STXBP5L: variants seen among roughly 807,000 people sequenced by gnomAD.
The protein encoded by STXBP5L is syntaxin binding protein 5L, also known as syntaxin-binding protein 5-like.
A neutral mutation model predicts 144.5 loss-of-function variants in STXBP5L; 65 were observed. The observed-to-expected ratio is 0.45, with a 90% confidence interval of 0.37 to 0.55. STXBP5L has a LOEUF of 0.55. STXBP5L is among the 20% of genes least tolerant of loss of function. The pLI is 0.00. For missense variants in STXBP5L, 1,298 were observed against 1,405.5 expected, an observed-to-expected ratio of 0.92 and a Z score of 1.22; for synonymous variants, 505 against 469.6, an observed-to-expected ratio of 1.08 and a Z score of -0.97.
At chr3:121,344,657 T>C (rs750076716) in intron 20 of STXBP5L, among the ~76,000 whole-genome samples, 1 of 151,958 alleles carries the variant, frequency 6.6e-6, no homozygotes, top group African/African-American at 2.4e-5. Context: ...AATTGAAATA[T>C]AGGAGGCAAA....
chr3:121,017,143 TTAATGTAAAC>T (rs1185215311), intron 3 of STXBP5L, among the ~76,000 whole-genome samples: 1 of 152,152 alleles, frequency 6.6e-6, no homozygotes, highest in Admixed American at 6.5e-5. Context: ...ATTAAAAAAA[TTAATGTAAAC>T]CATCACACCA....
Position 121,094,593 on chromosome 3 carries a change from A to G in STXBP5L, c.471-20332A>G, listed in dbSNP as rs550941540. ...TGTTTTATCAGAGACTAGGATTGCAACCCCTGCCTTTTTTTGTTTTCCATT... is the reference window on the plus strand; with the variant it reads ...TGTTTTATCAGAGACTAGGATTGCAGCCCCTGCCTTTTTTTGTTTTCCATT... On this transcript the variant is annotated intron_variant, in intron 5 of 26. Transcript: ENST00000471454. Among the ~76,000 whole-genome samples the G allele has an allele frequency of 9.7e-4, 147 of 151,444 alleles. 1 individual carries two copies. Among genetic ancestry groups the G allele is most frequent in the African/African-American group, 3.2e-3 (131 of 41,288 alleles).
intron 14 of STXBP5L, among the ~76,000 whole-genome samples, chr3:121,245,895 A>G (rs1407588163): frequency 2.6e-5 from 4 of 152,224 alleles, no homozygotes; most frequent in African/African-American, 4.8e-5. Context: ...ACAAAAGATC[A>G]AGAAGGAAAC....
At chr3:121,321,818 C>A (rs2043980200) in intron 20 of STXBP5L, among the ~76,000 whole-genome samples, 1 of 152,160 alleles carries the variant, frequency 6.6e-6, no homozygotes, top group African/African-American at 2.4e-5. Context: ...AACCAGTAAT[C>A]ATTTTATAAC....
intron 20 of STXBP5L, among the ~76,000 whole-genome samples, chr3:121,366,226 CG>C: frequency 6.6e-6 from 1 of 151,858 alleles, no homozygotes; most frequent in East Asian, 1.9e-4. Context: ...GAAAAGAATG[CG>C]TATACTTTTG....
intron 19 of STXBP5L, among the ~76,000 whole-genome samples, chr3:121,281,977 A>G (rs1160666854): frequency 6.6e-6 from 1 of 151,454 alleles, no homozygotes; most frequent in African/African-American, 2.4e-5. Flanking sequence ...ATCTACTTTT[A>G]TAAGACATTT....
At chr3:121,141,371 C>G (rs2045497215) in intron 7 of STXBP5L, among the ~76,000 whole-genome samples, 4 of 151,668 alleles carry the variant, frequency 2.6e-5, no homozygotes, top group Non-Finnish European at 5.9e-5. Flanking sequence ...CCATTGCACT[C>G]CAGCTTGGTC....
At chr3:121,025,985 A>G (rs938878503) in intron 3 of STXBP5L, among the ~76,000 whole-genome samples, 3 of 146,390 alleles carry the variant, frequency 2.0e-5, no homozygotes, top group African/African-American at 7.4e-5. Flanking sequence ...TTAATAATAT[A>G]TTAGTATTAT....
At chr3:121,161,986 G>A (rs2046338332) in intron 9 of STXBP5L, among the ~76,000 whole-genome samples, 1 of 151,906 alleles carries the variant, frequency 6.6e-6, no homozygotes, top group Non-Finnish European at 1.5e-5. Flanking sequence ...GATGCAATTA[G>A]ACAACACAAA....
intron 7 of STXBP5L, among the ~76,000 whole-genome samples, chr3:121,133,888 G>T (rs2045117005): frequency 6.6e-6 from 1 of 152,074 alleles, no homozygotes; most frequent in Non-Finnish European, 1.5e-5. Context: ...AAAACCATCA[G>T]ATCTCATGAG....
chr3:120,980,016 A>G (rs778345968), intron 3 of STXBP5L, among the ~76,000 whole-genome samples: 2 of 152,088 alleles, frequency 1.3e-5, no homozygotes, highest in Non-Finnish European at 2.9e-5. Context: ...CAATTTCCAC[A>G]TATTTGTATC....
At chr3:120,998,544 C>T (rs1943532193) in intron 3 of STXBP5L, among the ~76,000 whole-genome samples, 2 of 152,026 alleles carry the variant, frequency 1.3e-5, no homozygotes, top group Admixed American at 1.3e-4. Flanking sequence ...CTGACCATTC[C>T]CCAACAGGCC....
At chr3:121,158,916 C>A (rs2046215092) in intron 9 of STXBP5L, 1 of 151,744 alleles carries the variant, frequency 6.6e-6, no homozygotes, top group Admixed American at 6.6e-5. Context: ...GGATTGTTTT[C>A]TATTATTCTG....
chr3:121,047,483 A>G (rs899350124), intron 5 of STXBP5L, among the ~76,000 whole-genome samples: 5 of 152,072 alleles, frequency 3.3e-5, no homozygotes, highest in Non-Finnish European at 7.4e-5. Flanking sequence ...TTGTGTGGGA[A>G]TCTAAGTCTC....
intron 2 of STXBP5L, among the ~76,000 whole-genome samples, chr3:120,927,885 T>C (rs562363312): frequency 3.3e-5 from 5 of 152,306 alleles, no homozygotes; most frequent in Non-Finnish European, 7.3e-5. Flanking sequence ...AGATTATATA[T>C]TTAGTAGAAA....
intron 19 of STXBP5L, among the ~76,000 whole-genome samples, chr3:121,312,446 C>CTTTTTTT (rs58989280): frequency 1.6e-3 from 20 of 12,756 alleles, no homozygotes; most frequent in Admixed American, 2.0e-3. Flanking sequence ...GTATGTCAAT[C>CTTTTTTT]TTTTTTTTTT....
At chr3:121,062,310 A>C (rs908786732) in intron 5 of STXBP5L, among the ~76,000 whole-genome samples, 2 of 152,176 alleles carry the variant, frequency 1.3e-5, no homozygotes, top group Non-Finnish European at 2.9e-5. Flanking sequence ...AAAATGTTGA[A>C]TATTTTCCCC....
intron 7 of STXBP5L, among the ~76,000 whole-genome samples, chr3:121,137,273 A>G (rs1385202865): frequency 1.3e-5 from 2 of 152,218 alleles, no homozygotes; most frequent in East Asian, 1.9e-4. Flanking sequence ...TTTTAAAAAT[A>G]TAAACAAAAT....
intron 3 of STXBP5L, among the ~76,000 whole-genome samples, chr3:121,026,731 C>A (rs557886501): frequency 4.6e-5 from 7 of 151,646 alleles, no homozygotes; most frequent in Admixed American, 4.6e-4. Context: ...AAAAGAGTAA[C>A]TAAAAGAGGA....
Sources: gnomAD v4.1 joint callset for allele counts (sites outside exome capture counted in the v4.1 genomes callset) on GRCh38, gnomAD v4.1.1 for gene constraint, MANE v1.5 for transcripts, NCBI Gene and HGNC (gene_info 2026-07-23, HGNC 2026-07-21) for gene names.